Variants in TMEM132B observed in about 807,000 individuals in gnomAD.
TMEM132B encodes the protein transmembrane protein 132B.
TMEM132B carries 18 observed loss-of-function variants against 90.8 expected under a neutral mutation model. That is an observed-to-expected ratio of 0.20 (90% CI 0.14 to 0.29). The LOEUF is 0.29. TMEM132B is among the 10% of genes least tolerant of loss of function. The pLI is 1.00. For synonymous variants in TMEM132B, 504 were observed against 523.3 expected, an observed-to-expected ratio of 0.96 and a Z score of 0.50; for missense variants, 1,096 against 1,326.8, an observed-to-expected ratio of 0.83 and a Z score of 2.70.
intron 4 of TMEM132B, among the ~76,000 whole-genome samples, chr12:125,522,494 C>T (rs747928358): frequency 4.6e-5 from 7 of 152,190 alleles, no homozygotes; most frequent in Admixed American, 3.3e-4. Context: ...CTGCCTATCC[C>T]CCCAAAGCAA....
chr12:125,344,316 GAGAAACCAAATTGGGGATGATAA>G (rs563926154), intron 1 of TMEM132B, among the ~76,000 whole-genome samples: 2 of 152,306 alleles, frequency 1.3e-5, no homozygotes, highest in South Asian at 4.1e-4. Flanking sequence ...TGGAAAATCT[GAGAAACCAAATTGGGGATGATAA>G]AGTACCATCT....
chr12:125,471,182 T>C (rs1018902864), intron 3 of TMEM132B, among the ~76,000 whole-genome samples: 1 of 152,254 alleles, frequency 6.6e-6, no homozygotes, highest in Admixed American at 6.5e-5. Flanking sequence ...CCGAGTGGAA[T>C]ATCTCTCTGT....
At chr12:125,637,530 T>G (rs958247827) in intron 5 of TMEM132B, among the ~76,000 whole-genome samples, 1 of 152,164 alleles carries the variant, frequency 6.6e-6, no homozygotes, top group Admixed American at 6.5e-5. Flanking sequence ...ATATGTAAGA[T>G]GAACATTGGT....
intron 1 of TMEM132B, among the ~76,000 whole-genome samples, chr12:125,275,352 G>A (rs941775661): frequency 7.9e-5 from 12 of 152,264 alleles, no homozygotes; most frequent in Admixed American, 7.2e-4. Context: ...TGCAGTGTTT[G>A]CCCTAGCTCA....
chr12:125,566,450 T>C (rs957808538), intron 4 of TMEM132B, among the ~76,000 whole-genome samples: 20 of 152,360 alleles, frequency 1.3e-4, no homozygotes, highest in African/African-American at 4.1e-4. Flanking sequence ...TGATTTTTGT[T>C]GATTTTCACT....
chr12:125,504,491 G>T (rs142900615), intron 3 of TMEM132B, among the ~76,000 whole-genome samples: 42 of 152,104 alleles, frequency 2.8e-4, no homozygotes, highest in African/African-American at 9.6e-4. Context: ...AGAGAACGCT[G>T]GTTGTCATTT....
At chr12:125,317,793 T>A (rs145352300) in intron 1 of TMEM132B, among the ~76,000 whole-genome samples, 1 of 152,294 alleles carries the variant, frequency 6.6e-6, no homozygotes, top group Non-Finnish European at 1.5e-5. Context: ...GAGCTCTCAG[T>A]GGTTCTCTTC....
chr12:125,226,468 T>C (rs1873683888), intron 1 of TMEM132B, among the ~76,000 whole-genome samples: 1 of 152,224 alleles, frequency 6.6e-6, no homozygotes, highest in Non-Finnish European at 1.5e-5. Context: ...AGAAAGGCAC[T>C]ATTGTCTGTC....
rs960059272 is a variant in TMEM132B at position 125,277,223 on chromosome 12, G to A, written c.68-72229G>A. Among the ~76,000 whole-genome samples, 1 of 152,100 alleles carries A rather than the reference G, an allele frequency of 6.6e-6. No homozygotes were observed. Among genetic ancestry groups the A allele is most frequent in the African/African-American group, 2.4e-5 (1 of 41,394 alleles). Reference sequence around the variant, plus strand: ...AGGCCGGGCACGATGGCTCATGCCTGTAGTCCCAGCACTTTGGGAGGCTGA... The same window carrying A: ...AGGCCGGGCACGATGGCTCATGCCTATAGTCCCAGCACTTTGGGAGGCTGA... On this transcript the variant is annotated intron_variant, in intron 1 of 8. Transcript: ENST00000682704. The surrounding 1 kb of genome is among the most constrained non-coding windows in gnomAD (Gnocchi z 4.3).
chr12:125,568,731 A>G (rs567577154), intron 4 of TMEM132B, among the ~76,000 whole-genome samples: 1 of 152,220 alleles, frequency 6.6e-6, no homozygotes, highest in East Asian at 1.9e-4. Flanking sequence ...AATGGCTTCC[A>G]TTTGTTGCAT....
In TMEM132B at chr12:125,349,336, G is replaced by A; in HGVS notation, c.68-116G>A. The A allele has an allele frequency of 8.9e-7, 1 of 1,121,624 alleles. No homozygotes were observed. Among genetic ancestry groups the A allele is most frequent in the Non-Finnish European group, 1.3e-6 (1 of 786,710 alleles). The allele number at this position is 1,121,624 out of a possible 1,614,324, so 69.5% of individuals were successfully genotyped here. A position where few individuals can be genotyped will look rare whatever the true frequency, so the allele number is the denominator to read the frequency against. On this transcript the variant is annotated intron_variant, in intron 1 of 8. Coordinates refer to ENST00000682704, the MANE Select transcript of TMEM132B (RefSeq NM_001366854.1). This position sits in a 1 kb window ranked among gnomAD's most constrained non-coding sequence, Gnocchi z 4.1. ...GGGCTTTCACTGTGATGAGACCTGG[G>A]GGAGAAACAGTGGCCAGTGGGCGGT...
At chr12:125,478,755 A>C (rs1881959148) in intron 3 of TMEM132B, among the ~76,000 whole-genome samples, 1 of 152,222 alleles carries the variant, frequency 6.6e-6, no homozygotes, top group African/African-American at 2.4e-5. Context: ...CAGGAAATAC[A>C]GAGAACACCA....
At chr12:125,567,391 CT>C (rs2136817900) in intron 4 of TMEM132B, among the ~76,000 whole-genome samples, 1 of 152,126 alleles carries the variant, frequency 6.6e-6, no homozygotes, top group African/African-American at 2.4e-5. Flanking sequence ...TTCCCTTTTC[CT>C]GTCTCCCTTC....
chr12:125,426,570 C>A (rs1489036422), intron 3 of TMEM132B, among the ~76,000 whole-genome samples: 1 of 152,212 alleles, frequency 6.6e-6, no homozygotes, highest in Non-Finnish European at 1.5e-5. Flanking sequence ...CCAGGAGGTT[C>A]TCACTGGCTG....
At chr12:125,236,564 A>G (rs1873940533) in intron 1 of TMEM132B, among the ~76,000 whole-genome samples, 1 of 152,208 alleles carries the variant, frequency 6.6e-6, no homozygotes, top group Admixed American at 6.5e-5. Context: ...AGACCCATGG[A>G]GTCCTTTACA....
intron 4 of TMEM132B, among the ~76,000 whole-genome samples, chr12:125,535,965 A>G (rs1352517802): frequency 6.6e-6 from 1 of 152,184 alleles, no homozygotes; most frequent in Non-Finnish European, 1.5e-5. Context: ...GACTTCTGTG[A>G]CTGTGTCTTG....
Position 125,277,265 on chromosome 12 carries a change from G to T in TMEM132B, c.68-72187G>T, listed in dbSNP as rs1199673984. Among the ~76,000 whole-genome samples the T allele has an allele frequency of 6.6e-6, 1 of 152,060 alleles. No homozygotes were observed. The highest frequency in any genetic ancestry group is 1.5e-5 in the Non-Finnish European group (1 of 68,014). On this transcript the variant is annotated intron_variant, in intron 1 of 8. Coordinates refer to ENST00000682704, the MANE Select transcript of TMEM132B (RefSeq NM_001366854.1). This position sits in a 1 kb window ranked among gnomAD's most constrained non-coding sequence, Gnocchi z 4.3. ...GGAGGCTGAGGCAGGTGGATTACAAGGTCAGGAGTTCAAGACCAGCCTGGC... is the reference window on the plus strand; with the variant it reads ...GGAGGCTGAGGCAGGTGGATTACAATGTCAGGAGTTCAAGACCAGCCTGGC...
rs1887012920 is a variant in TMEM132B, at chr12:125,654,533, G to A, written c.3075G>A (p.Lys1025=). Residue 1025 remains lysine (K), a synonymous_variant, in exon 9 of 9, where the codon AAG becomes AAA. Transcript: ENST00000682704. This position sits in a 1 kb window ranked among gnomAD's most constrained non-coding sequence, Gnocchi z 5.8. ...AACCTATGAATTCTTCGGGCCCAAA[G>A]AGGAAGAGAGTCAAGTTCACTTCCT... is the stretch of plus-strand genomic sequence containing the variant. ...KNEPMNSSGP[K]RKRVKFTSYT... The A allele has an allele frequency of 1.2e-6, 2 of 1,614,042 alleles. No individual in the cohort carries two copies. The highest frequency in any genetic ancestry group is 1.7e-5 in the Admixed American group (1 of 60,012).
chr12:125,569,084 G>A (rs777335103), intron 4 of TMEM132B, among the ~76,000 whole-genome samples: 4 of 152,128 alleles, frequency 2.6e-5, no homozygotes, highest in Non-Finnish European at 5.9e-5. Flanking sequence ...AATGACAGTA[G>A]CTGCTCTGGG....
Sources: gnomAD v4.1 joint callset for allele counts (sites outside exome capture counted in the v4.1 genomes callset) on GRCh38, gnomAD v4.1.1 for gene constraint, Gnocchi (gnomAD v3.1) non-coding constraint, MANE v1.5 for transcripts, NCBI Gene and HGNC (gene_info 2026-07-23, HGNC 2026-07-21) for gene names.